Variants in ATP13A4 observed in about 807,000 individuals in gnomAD.
The protein encoded by ATP13A4 is ATPase 13A4.
ATP13A4 carries 114 observed loss-of-function variants against 142.5 expected under a neutral mutation model. The ratio of observed to expected loss-of-function variants is 0.80; its 90% CI spans 0.69 to 0.93. The LOEUF (loss-of-function observed/expected upper bound fraction) is 0.93, where lower values mean the gene tolerates loss of function less well. ATP13A4 is among the 40% of genes least tolerant of loss of function. The probability of loss-of-function intolerance (pLI) is 0.00; values close to 1 mark genes in which losing one functional copy is unlikely to be tolerated. For synonymous variants in ATP13A4, 488 were observed against 514.8 expected (o/e 0.95, Z 0.70); for missense variants, 1,392 against 1,454.0 (o/e 0.96, Z 0.69).
chr3:193,524,044 A>C (rs1169762780), intron 1 of ATP13A4, among the ~76,000 whole-genome samples: 1 of 152,180 alleles, frequency 6.6e-6, no homozygotes, highest in African/African-American at 2.4e-5. Context: ...GCCCTCCCCA[A>C]ATGTGGCTGC....
At chr3:193,512,397 T>C (rs1024928778) in intron 2 of ATP13A4, among the ~76,000 whole-genome samples, 6 of 152,088 alleles carry the variant, frequency 3.9e-5, no homozygotes, top group Non-Finnish European at 7.4e-5. Flanking sequence ...TCATAGCACT[T>C]TACTAAATCT....
chr3:193,540,115 T>C (rs2108713915), intron 1 of ATP13A4, among the ~76,000 whole-genome samples: 1 of 152,206 alleles, frequency 6.6e-6, no homozygotes, highest in South Asian at 2.1e-4. Context: ...CACTTTTATT[T>C]ATTCCTCATA....
At chr3:193,431,146 G>A (rs886517681) in intron 25 of ATP13A4, among the ~76,000 whole-genome samples, 2 of 152,064 alleles carry the variant, frequency 1.3e-5, no homozygotes, top group South Asian at 2.1e-4. Context: ...AGATAACAGT[G>A]CAATTCCAGT....
At chr3:193,486,522 C>A (rs1298688122) in intron 7 of ATP13A4, among the ~76,000 whole-genome samples, 3 of 152,156 alleles carry the variant, frequency 2.0e-5, no homozygotes, top group African/African-American at 7.2e-5. Flanking sequence ...AGGTTGGCAA[C>A]CAGATTTCTG....
At position 193,571,113 on chromosome 3, in the gene ATP13A4, A is replaced by G. The variant is rs1724254036; in HGVS notation, n.291+10594T>C. On this transcript the variant is annotated intron_variant and non_coding_transcript_variant, in intron 2 of 3. Transcript: ENST00000489140. ...GCCAACATGGCAAAACCCCGTCTCT[A>G]CTAAAAATACAAAAATTAGCCGGGC... Among the ~76,000 whole-genome samples the G allele has an allele frequency of 1.3e-5, 2 of 152,012 alleles. 1 individual carries two copies. Among genetic ancestry groups the G allele is most frequent in the South Asian group, 4.2e-4 (2 of 4,816 alleles).
At chr3:193,574,590 C>T (rs991391680) in intron 2 of ATP13A4, among the ~76,000 whole-genome samples, 3 of 150,992 alleles carry the variant, frequency 2.0e-5, no homozygotes, top group African/African-American at 7.3e-5. Context: ...GTGGCATGCA[C>T]CTGTAATCCT....
intron 29 of ATP13A4, chr3:193,404,060 A>G (rs1002068033): frequency 6.1e-6 from 6 of 985,250 alleles, no homozygotes; most frequent in Middle Eastern, 5.2e-4. Flanking sequence ...GATCCATATA[A>G]CCGTCTCAGC....
chr3:193,458,760 C>T (rs1411532473), intron 14 of ATP13A4: 4 of 548,202 alleles, frequency 7.3e-6, no homozygotes, highest in African/African-American at 5.6e-5. Context: ...GCTCGGAGAA[C>T]AGTACAGAGA....
intron 1 of ATP13A4, among the ~76,000 whole-genome samples, chr3:193,538,413 A>T (rs1722697808): frequency 6.6e-6 from 1 of 151,892 alleles, no homozygotes; most frequent in African/African-American, 2.4e-5. Flanking sequence ...AGAGATCTAC[A>T]TCTATTTTAG....
intron 14 of ATP13A4, chr3:193,458,480 T>C (rs1330270309): frequency 6.3e-6 from 1 of 158,104 alleles, no homozygotes. Flanking sequence ...CTTAATGGGA[T>C]TCAGCAGTCA....
At position 193,514,753 on chromosome 3, in the gene ATP13A4, G is replaced by A; in HGVS notation, c.179C>T (p.Ala60Val). ...FYWRPAWHVW[A>V]HCVPCSLQEA... is the part of the protein sequence containing the mutation. ...TTGCAAGGAACATGGGACACAATGT[G>A]CCCATACGTGCCATGCTGGTCTCCA... The change falls in exon 2 of 30, where the codon GCA (alanine) becomes GTA (valine). Residue 60 changes from alanine (A) to valine (V), a missense_variant. Ala to Val is a moderately conservative substitution (Grantham distance 64). Coordinates refer to ENST00000342695, the MANE Select transcript of ATP13A4 (RefSeq NM_032279.4). The A allele has an allele frequency of 6.2e-7, 1 of 1,614,178 alleles. No homozygotes were observed. Among genetic ancestry groups the A allele is most frequent in the South Asian group, 1.1e-5 (1 of 91,082 alleles).
intron 25 of ATP13A4, among the ~76,000 whole-genome samples, chr3:193,416,499 A>T (rs938716777): frequency 2.6e-5 from 4 of 152,170 alleles, no homozygotes; most frequent in African/African-American, 9.7e-5. Flanking sequence ...TAAAAATTAT[A>T]AAAAGGAGTC....
intron 8 of ATP13A4, among the ~76,000 whole-genome samples, chr3:193,473,834 T>C (rs965255125): frequency 6.6e-6 from 1 of 152,142 alleles, no homozygotes; most frequent in African/African-American, 2.4e-5. Context: ...AGAATTCAAC[T>C]AAAAATTGAA....
chr3:193,525,813 C>T (rs535753672), intron 1 of ATP13A4, among the ~76,000 whole-genome samples: 1 of 152,308 alleles, frequency 6.6e-6, no homozygotes, highest in Non-Finnish European at 1.5e-5. Context: ...TGTGCCTAAA[C>T]AAGGGCCTGT....
intron 1 of ATP13A4, among the ~76,000 whole-genome samples, chr3:193,537,778 A>G (rs1468527917): frequency 6.6e-6 from 1 of 152,210 alleles, no homozygotes; most frequent in Non-Finnish European, 1.5e-5. Flanking sequence ...ATAAAAAGGA[A>G]CAAACTATCG....
chr3:193,512,567 A>G (rs1721197617), intron 2 of ATP13A4, among the ~76,000 whole-genome samples: 1 of 152,188 alleles, frequency 6.6e-6, no homozygotes, highest in South Asian at 2.1e-4. Context: ...CCCTTATAAG[A>G]ATCATTAGCA....
chr3:193,554,898 A>C (rs1253594517), upstream of ATP13A4: 2 of 1,611,038 alleles, frequency 1.2e-6, no homozygotes, highest in Admixed American at 3.3e-5. Context: ...AGCTGACTAA[A>C]AGAGTTAATG....
Position 193,468,470 on chromosome 3 carries a change from C to T in ATP13A4, c.944-984G>A, listed in dbSNP as rs146228330. ...TGCATTCAGGAAACAAGGAAGTGGCCGGGTGTAGTGGCTCACGCCTTTAAT... is the reference window on the plus strand; with the variant it reads ...TGCATTCAGGAAACAAGGAAGTGGCTGGGTGTAGTGGCTCACGCCTTTAAT... On this transcript the variant is annotated intron_variant, in intron 9 of 29. Coordinates refer to ENST00000342695, the MANE Select transcript of ATP13A4 (RefSeq NM_032279.4). Among the ~76,000 whole-genome samples, 7 of 152,144 alleles carry T rather than the reference C, an allele frequency of 4.6e-5. No individual in the cohort carries two copies. The East Asian group carries it at 1.2e-3, about 25-fold the overall frequency.
In ATP13A4 at chr3:193,491,330, T is replaced by A. The variant is rs775335912; in HGVS notation, c.602A>T (p.Glu201Val). 5.8e-5 allele frequency: 93 copies of A among 1,594,132 alleles called. No homozygotes were observed. Among genetic ancestry groups the A allele is most frequent in the Non-Finnish European group, 7.3e-5 (85 of 1,162,356 alleles). ...VTPIWKLLIK[E>V]VLNPFYIFQL... ...AAGAGAAAATGCTGGAGAAATTACC[T>A]CCTTGATGAGCAGTTTCCAAATTGG... Residue 201 changes from glutamate (E) to valine (V), a missense_variant and splice_region_variant, in exon 6 of 30, where the codon GAG (glutamate) becomes GTG (valine). Transcript: ENST00000342695.
Sources: allele counts gnomAD v4.1 joint callset (sites outside exome capture counted in the v4.1 genomes callset), GRCh38; gene constraint gnomAD v4.1.1; transcripts MANE v1.5; gene names NCBI Gene and HGNC (gene_info 2026-07-23, HGNC 2026-07-21).